IBSP: variants seen among roughly 807,000 people sequenced by gnomAD.
IBSP encodes the protein integrin-binding sialoprotein.
A neutral mutation model predicts 25.5 loss-of-function variants in IBSP; 19 were observed. The observed-to-expected ratio is 0.74, with a 90% CI of 0.52 to 1.09. The LOEUF (loss-of-function observed/expected upper bound fraction) is 1.09. Ranked by LOEUF, IBSP falls within the 50% of genes least tolerant of loss-of-function variation. The pLI is 0.00. For synonymous variants in IBSP, 144 were observed against 137.6 expected, an observed-to-expected ratio of 1.05 and a Z score of -0.33; for missense variants, 360 against 382.3, an observed-to-expected ratio of 0.94 and a Z score of 0.49.
Position 87,802,426 on chromosome 4 carries a change from T to C in IBSP, c.54+11T>C. On this transcript the variant is annotated intron_variant, in intron 2 of 6. Transcript: ENST00000226284. The stretch of plus-strand genomic sequence containing the variant: ...GCCTGTGCTTTCTCAGTAAGTTCTT[T>C]ATCAAAACCCACAGTTATTTTCAGT... 6.2e-7 allele frequency: 1 copy of C among 1,605,762 alleles called. No homozygotes were observed.
intron 4 of IBSP, among the ~76,000 whole-genome samples, chr4:87,804,103 T>C (rs1304352307): frequency 1.3e-5 from 2 of 152,188 alleles, no homozygotes; most frequent in Non-Finnish European, 2.9e-5. Context: ...ACAAATTATA[T>C]GCAGATAGGC....
chr4:87,806,018 A>G, intron 4 of IBSP, 104 bp from the exon 5 acceptor site: 3 of 855,796 alleles, frequency 3.5e-6, no homozygotes, highest in Non-Finnish European at 5.7e-6. Context: ...TTGAGTAAAT[A>G]TTTGTGTGTA....
In IBSP at chr4:87,799,613, T is replaced by A. The variant is rs184599045; in HGVS notation, c.-35T>A. 4 of 152,312 alleles carry A rather than the reference T, an allele frequency of 2.6e-5. No individual in the cohort carries two copies. In the East Asian group the frequency reaches 7.7e-4, roughly 29 times the overall value. The allele number at this position is 152,312 out of a possible 1,614,324, so 9.4% of individuals were successfully genotyped here. A position where few individuals can be genotyped will look rare whatever the true frequency, so the allele number is the denominator to read the frequency against. On this transcript the variant is annotated 5_prime_UTR_variant, in exon 1 of 7. Transcript: ENST00000226284. ...CACTCACTGCCTTGAGCCTGCTTCC[T>A]CACTCCAGGACTGCCAGAGGGTAAG...
At chr4:87,803,344 G>C (rs912172756) in intron 4 of IBSP, among the ~76,000 whole-genome samples, 1 of 151,896 alleles carries the variant, frequency 6.6e-6, no homozygotes, top group East Asian at 1.9e-4. Context: ...CACCAAAAAA[G>C]CTTGTGAGAA....
intron 4 of IBSP, among the ~76,000 whole-genome samples, chr4:87,803,913 CTT>C (rs1485235674): frequency 6.6e-6 from 1 of 152,110 alleles, no homozygotes; most frequent in Admixed American, 6.6e-5. Context: ...AGCTCCTAAA[CTT>C]TTCTGAAATA....
At chr4:87,808,672 C>T (rs1334221560) in intron 5 of IBSP, among the ~76,000 whole-genome samples, 1 of 152,090 alleles carries the variant, frequency 6.6e-6, no homozygotes, top group Non-Finnish European at 1.5e-5. Context: ...AATAGATTGA[C>T]TTTGGCCTGT....
At chr4:87,806,581 T>C (rs971213573) in intron 5 of IBSP, among the ~76,000 whole-genome samples, 2 of 152,202 alleles carry the variant, frequency 1.3e-5, no homozygotes, top group African/African-American at 4.8e-5. Context: ...AGTGCAAGAC[T>C]TGTTTTAAGG....
chr4:87,808,056 C>G (rs941676298), intron 5 of IBSP, among the ~76,000 whole-genome samples: 2 of 152,126 alleles, frequency 1.3e-5, no homozygotes, highest in Non-Finnish European at 2.9e-5. Context: ...ATGTTATTAG[C>G]AATTTAGGTT....
chr4:87,809,538 G>C (rs960506879), intron 5 of IBSP, among the ~76,000 whole-genome samples: 3 of 152,160 alleles, frequency 2.0e-5, no homozygotes, highest in African/African-American at 7.2e-5. Context: ...TGGTGTTTTG[G>C]GGATATTTGA....
At chr4:87,807,808 T>A (rs775498250) in intron 5 of IBSP, among the ~76,000 whole-genome samples, 1 of 152,192 alleles carries the variant, frequency 6.6e-6, no homozygotes, top group African/African-American at 2.4e-5. Flanking sequence ...TAGGTTAAAA[T>A]CCCTGCTTTG....
Position 87,810,541 on chromosome 4 carries a change from C to T in IBSP, c.247-65C>T, listed in dbSNP as rs920233432. On this transcript the variant is annotated intron_variant, in intron 5 of 6. Coordinates refer to ENST00000226284, the MANE Select transcript of IBSP (RefSeq NM_004967.4). Reference sequence around the variant, plus strand: ...TAAACCTTCAATAAATGATTCACAGCTCCAGTAAATCTTGAACTATCTTCC... The same window carrying T: ...TAAACCTTCAATAAATGATTCACAGTTCCAGTAAATCTTGAACTATCTTCC... 9.2e-5 allele frequency: 115 copies of T among 1,244,602 alleles called. 2 individuals are homozygous for T. In the South Asian group the frequency reaches 1.0e-3, roughly 11 times the overall value. The allele number at this position is 1,244,602 out of a possible 1,614,324, so 77.1% of individuals were successfully genotyped here. A position where few individuals can be genotyped will look rare whatever the true frequency, so the allele number is the denominator to read the frequency against.
intron 6 of IBSP, among the ~76,000 whole-genome samples, chr4:87,811,114 CG>C (rs1447901220): frequency 6.6e-6 from 1 of 152,006 alleles, no homozygotes; most frequent in Non-Finnish European, 1.5e-5. Flanking sequence ...AGTAGCAAAA[CG>C]ATAGGAAGAC....
rs777194280 is a variant in IBSP, at chr4:87,811,462, T to G, written c.506T>G (p.Val169Gly). The G allele has an allele frequency of 1.2e-6, 2 of 1,607,972 alleles. No individual in the cohort carries two copies. Among genetic ancestry groups the G allele is most frequent in the Non-Finnish European group, 1.7e-6 (2 of 1,177,464 alleles). The change falls in exon 7 of 7, where the codon GTG becomes GGG. Residue 169 changes from valine to glycine, a missense_variant. Val to Gly is a moderately radical substitution (Grantham distance 109). Coordinates refer to ENST00000226284, the MANE Select transcript of IBSP (RefSeq NM_004967.4). ...GAAAACGAAGAAAGCGAAGCAGAAG[T>G]GGATGAAAACGAACAAGGCATAAAC... ...GNENEESEAE[V>G]DENEQGINGT... is the part of the protein sequence containing the mutation.
chr4:87,811,754 G>T lies in IBSP; in HGVS notation c.798G>T (p.Thr266=). 2 of 1,613,928 alleles carry T rather than the reference G, an allele frequency of 1.2e-6. No individual in the cohort carries two copies. The highest frequency in any genetic ancestry group is 1.7e-6 in the Non-Finnish European group (2 of 1,179,966). The change falls in exon 7 of 7, where the codon ACG becomes ACT. Residue 266 remains threonine (T), a synonymous_variant. Coordinates refer to ENST00000226284, the MANE Select transcript of IBSP (RefSeq NM_004967.4). ...TVEYEGEYEY[T]GANEYDNGYE... is the part of the protein sequence containing the mutation. The stretch of plus-strand genomic sequence containing the variant: ...AATACGAGGGGGAGTACGAATACAC[G>T]GGCGCCAATGAATACGACAATGGAT...
intron 5 of IBSP, 123 bp from the exon 6 acceptor site, chr4:87,810,483 G>C: frequency 1.4e-6 from 1 of 721,528 alleles, no homozygotes; most frequent in Non-Finnish European, 2.3e-6. Flanking sequence ...TGAGTGATCA[G>C]CCAGCTGAGG....
At chr4:87,808,797 C>T (rs760621718) in intron 5 of IBSP, among the ~76,000 whole-genome samples, 5 of 152,182 alleles carry the variant, frequency 3.3e-5, no homozygotes, top group East Asian at 3.8e-4. Flanking sequence ...CATTTATTCT[C>T]ATTGTTAGTA....
chr4:87,811,016 G>A (rs749030105), intron 6 of IBSP, among the ~76,000 whole-genome samples: 1 of 152,048 alleles, frequency 6.6e-6, no homozygotes, highest in African/African-American at 2.4e-5. Context: ...TATAACAGAA[G>A]ACTAAGAACA....
intron 6 of IBSP, 98 bp from the exon 7 acceptor site, chr4:87,811,264 T>C (rs564653794): frequency 3.7e-6 from 5 of 1,366,610 alleles, no homozygotes; most frequent in Admixed American, 2.4e-5. Flanking sequence ...ATAAGACGCC[T>C]AGAATAAGGC....
At chr4:87,805,478 GA>G (rs1302398478) in intron 4 of IBSP, among the ~76,000 whole-genome samples, 1 of 151,998 alleles carries the variant, frequency 6.6e-6, no homozygotes, top group Non-Finnish European at 1.5e-5. Flanking sequence ...CTCATTTTAG[GA>G]ACTGGCTTTA....
Sources: gnomAD v4.1 joint callset for allele counts (sites outside exome capture counted in the v4.1 genomes callset) on GRCh38, gnomAD v4.1.1 for gene constraint, MANE v1.5 for transcripts, NCBI Gene and HGNC (gene_info 2026-07-23, HGNC 2026-07-21) for gene names.